Variants in TMEM178B observed in about 807,000 individuals in gnomAD.
The protein encoded by TMEM178B is transmembrane protein 178B.
TMEM178B carries 5 observed loss-of-function variants against 31.0 expected under a neutral mutation model. The observed-to-expected ratio is 0.16, with a 90% CI of 0.08 to 0.34. The LOEUF (loss-of-function observed/expected upper bound fraction) is 0.34. TMEM178B is among the 10% of genes least tolerant of loss of function. The pLI is 1.00. For missense variants in TMEM178B, 275 were observed against 400.3 expected (o/e 0.69, Z 2.67); for synonymous variants, 164 against 164.0 (o/e 1.00, Z 0.00).
intron 2 of TMEM178B, among the ~76,000 whole-genome samples, chr7:141,218,955 T>G (rs1586832244): frequency 6.6e-6 from 1 of 152,344 alleles, no homozygotes; most frequent in Non-Finnish European, 1.5e-5. Context: ...TTTCTCAGCC[T>G]GGGAGCTGCC....
chr7:141,369,309 G>A (rs77821829), intron 2 of TMEM178B, among the ~76,000 whole-genome samples: 3,879 of 147,332 alleles, frequency 0.026, 76 homozygotes, highest in Middle Eastern at 0.052. Context: ...CTGTCTCTCC[G>A]CGCCGACGTG....
rs141680629 is a variant in TMEM178B at position 141,189,548 on chromosome 7, G to C, written c.383-23043G>C. Among the ~76,000 whole-genome samples the C allele has an allele frequency of 5.4e-3, 825 of 152,312 alleles. 8 individuals are homozygous for C. Among genetic ancestry groups the C allele is most frequent in the African/African-American group, 0.019 (780 of 41,568 alleles). On this transcript the variant is annotated intron_variant, in intron 1 of 3. Transcript: ENST00000565468. ...GTGGAGTCCTCAGCTTAGGGAAACT[G>C]GTGACTGAAGCGGTCATCACAGTCA... is the stretch of plus-strand genomic sequence containing the variant.
intron 2 of TMEM178B, among the ~76,000 whole-genome samples, chr7:141,271,738 C>T (rs73167500): frequency 6.6e-5 from 10 of 152,272 alleles, no homozygotes; most frequent in Non-Finnish European, 8.8e-5. Flanking sequence ...ACATTGACTG[C>T]GGGCTTTCCC....
At chr7:141,396,368 C>G (rs1327674601) in intron 2 of TMEM178B, among the ~76,000 whole-genome samples, 1 of 152,242 alleles carries the variant, frequency 6.6e-6, no homozygotes, top group Non-Finnish European at 1.5e-5. Context: ...CTACTCCCAC[C>G]TGCCACTCGC....
At chr7:141,341,419 G>T (rs1051376605) in intron 2 of TMEM178B, among the ~76,000 whole-genome samples, 5 of 152,092 alleles carry the variant, frequency 3.3e-5, no homozygotes, top group Non-Finnish European at 7.3e-5. Flanking sequence ...TACCTAAGGG[G>T]TTTCTCTTTG....
intron 2 of TMEM178B, among the ~76,000 whole-genome samples, chr7:141,335,119 G>T (rs1433157659): frequency 6.6e-6 from 1 of 152,220 alleles, no homozygotes; most frequent in African/African-American, 2.4e-5. Flanking sequence ...CAGCACAGTT[G>T]CTCAGGTGGG....
At chr7:141,211,627 C>T (rs1206557846) in intron 1 of TMEM178B, among the ~76,000 whole-genome samples, 1 of 152,234 alleles carries the variant, frequency 6.6e-6, no homozygotes. Flanking sequence ...GATGAGCAAG[C>T]GTCAATAGAT....
intron 2 of TMEM178B, among the ~76,000 whole-genome samples, chr7:141,336,906 T>TCACCACCACCACCAC (rs1799404382): frequency 2.5e-5 from 1 of 39,544 alleles, no homozygotes; most frequent in African/African-American, 9.5e-5. Context: ...ACCACCACCA[T>TCACCACCACCACCAC]CATCACCACC....
At chr7:141,315,541 A>T (rs942856598) in intron 2 of TMEM178B, among the ~76,000 whole-genome samples, 1 of 152,190 alleles carries the variant, frequency 6.6e-6, no homozygotes, top group African/African-American at 2.4e-5. Flanking sequence ...CTATTTTCTC[A>T]TGAAACTTTC....
intron 1 of TMEM178B, among the ~76,000 whole-genome samples, chr7:141,097,731 A>C (rs1330553814): frequency 1.3e-5 from 2 of 150,658 alleles, no homozygotes; most frequent in Non-Finnish European, 3.0e-5. Flanking sequence ...CTCATCATAT[A>C]CTTATTTTTC....
chr7:141,270,052 G>C (rs1380455496), intron 2 of TMEM178B, among the ~76,000 whole-genome samples: 1 of 152,090 alleles, frequency 6.6e-6, no homozygotes, highest in Non-Finnish European at 1.5e-5. Context: ...GTGACAGAGT[G>C]AGACTCAGTC....
intron 2 of TMEM178B, among the ~76,000 whole-genome samples, chr7:141,407,458 C>T (rs1800904449): frequency 6.6e-6 from 1 of 152,166 alleles, no homozygotes; most frequent in South Asian, 2.1e-4. Flanking sequence ...AAAATAGCAC[C>T]ATGAATAATA....
chr7:141,153,125 C>T (rs1388921023), intron 1 of TMEM178B, among the ~76,000 whole-genome samples: 2 of 152,070 alleles, frequency 1.3e-5, no homozygotes, highest in African/African-American at 4.8e-5. Context: ...ATAAAAAAGC[C>T]AGATTGTCTA....
chr7:141,196,027 A>G (rs1005986164), intron 1 of TMEM178B, among the ~76,000 whole-genome samples: 16 of 152,298 alleles, frequency 1.1e-4, no homozygotes, highest in Admixed American at 5.2e-4. Context: ...ATACAATTCA[A>G]GTTGAGATTT....
At chr7:141,507,965 A>G in the TMEM178B span, among the ~76,000 whole-genome samples, 5 of 152,344 alleles carry the variant, frequency 3.3e-5, no homozygotes, top group African/African-American at 1.2e-4. Flanking sequence ...GATCTTGGGC[A>G]TTAACATGAT....
chr7:141,360,779 C>T (rs1799904971), intron 2 of TMEM178B, among the ~76,000 whole-genome samples: 2 of 152,142 alleles, frequency 1.3e-5, no homozygotes, highest in South Asian at 4.1e-4. Flanking sequence ...ACTGTGATTT[C>T]CATCTGGGAT....
intron 2 of TMEM178B, among the ~76,000 whole-genome samples, chr7:141,408,504 G>T (rs868272642): frequency 1.1e-4 from 17 of 152,170 alleles, no homozygotes; most frequent in African/African-American, 3.9e-4. Context: ...GAGTGGCAGG[G>T]CTGCTGCAAG....
At chr7:141,245,170 CAAAAAAAAAAAAAAAAAAAAAA>C (rs59281560) in intron 2 of TMEM178B, among the ~76,000 whole-genome samples, 15 of 23,110 alleles carry the variant, frequency 6.5e-4, no homozygotes, top group Admixed American at 1.6e-3. Context: ...ACTCCATCAC[CAAAAAAAAAAAAAAAAAAAAAA>C]AAAAAAAAAA....
intron 2 of TMEM178B, among the ~76,000 whole-genome samples, chr7:141,239,900 C>G (rs544344695): frequency 6.6e-6 from 1 of 151,892 alleles, no homozygotes; most frequent in African/African-American, 2.4e-5. Flanking sequence ...GAGCACTGTC[C>G]GGTAGAAACA....
Sources: gnomAD v4.1 joint callset for allele counts (sites outside exome capture counted in the v4.1 genomes callset) on GRCh38, gnomAD v4.1.1 for gene constraint, MANE v1.5 for transcripts, NCBI Gene and HGNC (gene_info 2026-07-23, HGNC 2026-07-21) for gene names.